The following GNS variants were observed in gnomAD, a reference collection of about 807,000 sequenced individuals.
GNS encodes the protein N-acetylglucosamine-6-sulfatase.
A neutral mutation model predicts 69.7 loss-of-function variants in GNS; 40 were observed. The observed-to-expected ratio is 0.57, with a 90% CI of 0.45 to 0.75. The LOEUF is 0.75. Ranked by LOEUF, GNS falls within the 30% of genes least tolerant of loss-of-function variation. GNS has a pLI of 0.00. For missense variants in GNS, 565 were observed against 685.5 expected (o/e 0.82, Z 1.96); for synonymous variants, 243 against 251.6 (o/e 0.97, Z 0.32).
intron 6 of GNS, among the ~76,000 whole-genome samples, chr12:64,741,075 C>T (rs1869717552): frequency 4.9e-5 from 1 of 20,230 alleles, no homozygotes; most frequent in South Asian, 1.8e-3. Context: ...GGCGTAGTGG[C>T]GGGCGCCTGT....
chr12:64,744,711 A>G, intron 5 of GNS, 98 bp downstream of exon 5: 4 of 748,992 alleles, frequency 5.3e-6, no homozygotes, highest in South Asian at 4.2e-5. Context: ...TATATTACCC[A>G]ACACAAACGA....
At chr12:64,745,604 T>A in intron 4 of GNS, 55 bp downstream of exon 4, 1 of 961,292 alleles carries the variant, frequency 1.0e-6, no homozygotes, top group Admixed American at 1.7e-5. Context: ...AAATTAAACA[T>A]ATTCTGCATC....
chr12:64,725,382 T>C (rs200762522), intron 10 of GNS, among the ~76,000 whole-genome samples: 1 of 152,186 alleles, frequency 6.6e-6, no homozygotes, highest in East Asian at 1.9e-4. Context: ...GGCCCACAGG[T>C]TGTAGTCTGC....
rs938058230 is a variant in GNS, at chr12:64,715,912, T to C, written c.*829A>G. On this transcript the variant is annotated 3_prime_UTR_variant, in exon 14 of 14. Coordinates refer to ENST00000258145, the MANE Select transcript of GNS (RefSeq NM_002076.4). ...TCTTGGCAGTTCTTCACTGCTGATG[T>C]TCCTAAGCCACTTCATTTTTCAGAT... 2.6e-5 allele frequency: 4 copies of C among 152,264 alleles called. No individual in the cohort carries two copies. Among genetic ancestry groups the C allele is most frequent in the Admixed American group, 6.5e-5 (1 of 15,286 alleles). 9.4% of individuals were successfully genotyped at this position (152,264 alleles called of 1,614,324 possible).
At chr12:64,742,711 C>T (rs908171725) in intron 6 of GNS, among the ~76,000 whole-genome samples, 1 of 152,192 alleles carries the variant, frequency 6.6e-6, no homozygotes, top group Non-Finnish European at 1.5e-5. Context: ...GGTTCTTAAT[C>T]ATGTCACCTC....
intron 2 of GNS, among the ~76,000 whole-genome samples, chr12:64,751,336 A>G (rs1346343531): frequency 6.6e-6 from 1 of 152,180 alleles, no homozygotes; most frequent in Non-Finnish European, 1.5e-5. Context: ...AAGGGTTTTC[A>G]ATAATTCTCC....
chr12:64,742,381 TATA>T (rs1869774412), intron 6 of GNS, among the ~76,000 whole-genome samples: 1 of 152,362 alleles, frequency 6.6e-6, no homozygotes, highest in Non-Finnish European at 1.5e-5. Context: ...AGCACATGCC[TATA>T]ATGTGCCAGA....
chr12:64,722,900 G>C, intron 11 of GNS, 106 bp downstream of exon 11: 2 of 763,564 alleles, frequency 2.6e-6, no homozygotes, highest in South Asian at 1.4e-5. Context: ...CAGTGACAAA[G>C]GAACAGGACT....
At chr12:64,742,284 T>C (rs1305925655) in intron 6 of GNS, among the ~76,000 whole-genome samples, 1 of 152,178 alleles carries the variant, frequency 6.6e-6, no homozygotes, top group African/African-American at 2.4e-5. Context: ...CCTCCCAAAG[T>C]GCTGGGATTA....
intron 13 of GNS, among the ~76,000 whole-genome samples, chr12:64,717,021 A>G (rs1218800480): frequency 6.6e-6 from 1 of 152,210 alleles, no homozygotes; most frequent in Non-Finnish European, 1.5e-5. Flanking sequence ...AAAGTCACAC[A>G]GTGCAAGTCA....
intron 10 of GNS, among the ~76,000 whole-genome samples, chr12:64,725,296 C>T (rs1347521452): frequency 2.0e-5 from 3 of 152,148 alleles, no homozygotes; most frequent in Admixed American, 2.0e-4. Flanking sequence ...AAGCAGCCAT[C>T]AACAATACAT....
intron 5 of GNS, 116 bp from the exon 6 acceptor site, chr12:64,743,424 A>T (rs1256062074): frequency 2.2e-5 from 17 of 756,456 alleles, no homozygotes; most frequent in African/African-American, 3.4e-5. Flanking sequence ...AAGCAATCTT[A>T]GCACATGATC....
intron 9 of GNS, among the ~76,000 whole-genome samples, chr12:64,732,166 G>GTTT (rs1565883223): frequency 1.0e-5 from 1 of 98,592 alleles, no homozygotes; most frequent in Non-Finnish European, 1.9e-5. Context: ...TTTTTTTTTT[G>GTTT]TTGTTTTTTT....
chr12:64,716,657 G>T lies in GNS; in HGVS notation c.*84C>A. Reference sequence around the variant, plus strand: ...CAGAAACTCTTCCAGGTGTGGTCTTGAAGACTAGCTACAGACACCTACTAC... The same window carrying T: ...CAGAAACTCTTCCAGGTGTGGTCTTTAAGACTAGCTACAGACACCTACTAC... On this transcript the variant is annotated 3_prime_UTR_variant, in exon 14 of 14. Coordinates refer to ENST00000258145, the MANE Select transcript of GNS (RefSeq NM_002076.4). The T allele has an allele frequency of 1.1e-6, 1 of 944,776 alleles. No homozygotes were observed. The highest frequency in any genetic ancestry group is 1.7e-6 in the Non-Finnish European group (1 of 578,118). The allele number at this position is 944,776 out of a possible 1,614,324, so 58.5% of individuals were successfully genotyped here.
intron 10 of GNS, among the ~76,000 whole-genome samples, chr12:64,724,904 G>A (rs1328427955): frequency 6.6e-6 from 1 of 152,142 alleles, no homozygotes; most frequent in Non-Finnish European, 1.5e-5. Context: ...CCAAACCTGA[G>A]CCATGGAAGC....
intron 9 of GNS, among the ~76,000 whole-genome samples, chr12:64,730,976 G>A (rs1869372800): frequency 6.6e-6 from 1 of 152,192 alleles, no homozygotes; most frequent in South Asian, 2.1e-4. Flanking sequence ...AAAACCCAGA[G>A]ATATAAAATG....
intron 8 of GNS, among the ~76,000 whole-genome samples, chr12:64,738,998 T>C (rs551822281): frequency 6.6e-6 from 1 of 152,210 alleles, no homozygotes; most frequent in South Asian, 2.1e-4. Context: ...CAGAGCTGAC[T>C]CATCCTGCAG....
chr12:64,735,749 G>A (rs1442214368), intron 9 of GNS, among the ~76,000 whole-genome samples: 2 of 152,072 alleles, frequency 1.3e-5, no homozygotes, highest in African/African-American at 2.4e-5. Context: ...AAGATTTAAT[G>A]GTCTTCTAAA....
At chr12:64,717,669 G>T (rs1363622720) in intron 13 of GNS, among the ~76,000 whole-genome samples, 1 of 152,040 alleles carries the variant, frequency 6.6e-6, no homozygotes, top group African/African-American at 2.4e-5. Context: ...AGCCAGGAAT[G>T]AATCTTCTAT....
Sources: gnomAD v4.1 joint callset for allele counts (sites outside exome capture counted in the v4.1 genomes callset) on GRCh38, gnomAD v4.1.1 for gene constraint, MANE v1.5 for transcripts, NCBI Gene and HGNC (gene_info 2026-07-23, HGNC 2026-07-21) for gene names.